Variants in DISC1 observed in about 807,000 individuals in gnomAD.
DISC1 encodes the protein DISC1 scaffold protein.
In DISC1, 57 loss-of-function variants were observed where a neutral mutation model predicts 84.5. That is an observed-to-expected ratio of 0.67 (90% CI 0.55 to 0.84). The LOEUF (loss-of-function observed/expected upper bound fraction) is 0.84. Ranked by LOEUF, DISC1 falls within the 40% of genes least tolerant of loss-of-function variation. The pLI is 0.00. For synonymous variants in DISC1, 411 were observed against 415.2 expected (o/e 0.99, Z 0.12); for missense variants, 1,000 against 1,057.8 (o/e 0.95, Z 0.76).
chr1:231,812,025 C>T (rs2125709518), intron 8 of DISC1, among the ~76,000 whole-genome samples: 1 of 152,210 alleles, frequency 6.6e-6, no homozygotes, highest in Non-Finnish European at 1.5e-5. Context: ...AAGAACTGTT[C>T]AAAATGCCCC....
chr1:231,694,368 A>G lies in DISC1; in HGVS notation c.610A>G (p.Ser204Gly), dbSNP rs774606244. Reference sequence around the variant, plus strand: ...CCCCCCAACCCCTCCTGGCTCTCACAGTGCCTTTACCTCAAGCTTTAGCTT... The same window carrying G: ...CCCCCCAACCCCTCCTGGCTCTCACGGTGCCTTTACCTCAAGCTTTAGCTT... Reference protein sequence around the residue: ...EVPPTPPGSHSAFTSSFSFIR... With the variant: ...EVPPTPPGSHGAFTSSFSFIR... The change falls in exon 2 of 13, where the codon AGT becomes GGT. Residue 204 changes from serine (S) to glycine (G), a missense_variant. Around this residue, in one of 3 missense-constraint regions of DISC1, gnomAD observed 292 missense variants for 280.2 expected, o/e 1.04. Coordinates refer to ENST00000439617, the MANE Select transcript of DISC1 (RefSeq NM_018662.3). 5.0e-6 allele frequency: 8 copies of G among 1,614,102 alleles called. No homozygotes were observed. The African/African-American group carries it at 5.3e-5, about 11-fold the overall frequency.
intron 10 of DISC1, among the ~76,000 whole-genome samples, chr1:231,977,655 CG>C (rs1558800976): frequency 1.3e-5 from 2 of 152,120 alleles, no homozygotes. Flanking sequence ...CATAGGTTCC[CG>C]GGATTAGAAC....
At chr1:231,888,038 A>T (rs968472540) in intron 9 of DISC1, among the ~76,000 whole-genome samples, 1 of 152,202 alleles carries the variant, frequency 6.6e-6, no homozygotes, top group African/African-American at 2.4e-5. Context: ...GAGACCAATT[A>T]TTTGGTTTGA....
chr1:232,005,070 C>T (rs1188774728), intron 10 of DISC1, among the ~76,000 whole-genome samples: 2 of 134,868 alleles, frequency 1.5e-5, no homozygotes, highest in Admixed American at 7.3e-5. Context: ...CCCTCTCTCC[C>T]TCCCTCCCTC....
intron 1 of DISC1, among the ~76,000 whole-genome samples, chr1:231,637,934 AT>A: frequency 6.6e-6 from 1 of 152,274 alleles, no homozygotes; most frequent in East Asian, 1.9e-4. Context: ...TTCCATAGAG[AT>A]TTTAATAATT....
intron 9 of DISC1, 79 bp from the exon 10 acceptor site, chr1:231,958,749 T>C: frequency 7.0e-7 from 1 of 1,420,606 alleles, no homozygotes; most frequent in Non-Finnish European, 9.9e-7. Flanking sequence ...ATCCTTTGGC[T>C]TTGAGCTTTT....
Position 231,770,816 on chromosome 1 carries a change from G to A in DISC1, c.1399-19G>A, listed in dbSNP as rs1402259545. On this transcript the variant is annotated intron_variant, in intron 5 of 12. Transcript: ENST00000439617. ...GAGCAGGGTTAATTTATAAAATCTTGTCTCCTCATTCTCTACAGAAAGAAA... is the reference window on the plus strand; with the variant it reads ...GAGCAGGGTTAATTTATAAAATCTTATCTCCTCATTCTCTACAGAAAGAAA... 8.7e-6 allele frequency: 14 copies of A among 1,611,328 alleles called. No homozygotes were observed. The African/African-American group carries it at 9.3e-5, about 11-fold the overall frequency.
intron 9 of DISC1, among the ~76,000 whole-genome samples, chr1:231,928,351 GA>G (rs1317688230): frequency 6.6e-6 from 1 of 152,254 alleles, no homozygotes; most frequent in Non-Finnish European, 1.5e-5. Context: ...GTGACAGCAG[GA>G]GATGATTTTT....
intron 1 of DISC1, among the ~76,000 whole-genome samples, chr1:231,663,096 C>T (rs2061696683): frequency 6.6e-6 from 1 of 152,150 alleles, no homozygotes; most frequent in Admixed American, 6.5e-5. Flanking sequence ...ATGAGAGACC[C>T]ACTTTAGATC....
At chr1:231,700,141 C>T (rs989591279) in intron 2 of DISC1, among the ~76,000 whole-genome samples, 26 of 152,166 alleles carry the variant, frequency 1.7e-4, no homozygotes, top group African/African-American at 5.8e-4. Context: ...TCTCCCTTTT[C>T]CTTTTTCATA....
At chr1:231,971,571 T>A (rs1454469493) in intron 10 of DISC1, among the ~76,000 whole-genome samples, 3 of 152,232 alleles carry the variant, frequency 2.0e-5, no homozygotes, top group African/African-American at 4.8e-5. Flanking sequence ...CCAGCCACCC[T>A]GAGTCATACA....
intron 1 of DISC1, among the ~76,000 whole-genome samples, chr1:231,638,014 A>G (rs572240801): frequency 6.6e-6 from 1 of 152,112 alleles, no homozygotes; most frequent in African/African-American, 2.4e-5. Flanking sequence ...AATATCTGTT[A>G]TTTTTTGACT....
chr1:231,731,237 G>T lies in DISC1; in HGVS notation c.1118-18689G>T, dbSNP rs183553452. On this transcript the variant is annotated intron_variant, in intron 3 of 12. Transcript: ENST00000439617. ...AGGGTTCTTGGCTTTGCCCAGGAAA[G>T]AATTCAAGGGAAAGATGGTGGTAGA... 1.4e-4 allele frequency among the ~76,000 whole-genome samples: 22 copies of T among 152,382 alleles called. No individual in the cohort carries two copies. The South Asian group carries it at 3.7e-3, about 26-fold the overall frequency.
At chr1:231,789,880 C>CT (rs1438164487) in intron 6 of DISC1, among the ~76,000 whole-genome samples, 3 of 152,072 alleles carry the variant, frequency 2.0e-5, no homozygotes, top group African/African-American at 7.2e-5. Flanking sequence ...GAAGGGAGCC[C>CT]TTTTTCATTT....
chr1:231,641,595 G>A (rs1191200516), intron 1 of DISC1, among the ~76,000 whole-genome samples: 1 of 152,256 alleles, frequency 6.6e-6, no homozygotes, highest in African/African-American at 2.4e-5. Context: ...GGTTGCCGCT[G>A]CTGGCGCCTG....
intron 9 of DISC1, among the ~76,000 whole-genome samples, chr1:231,917,714 G>A (rs1003999741): frequency 1.1e-4 from 16 of 152,174 alleles, no homozygotes; most frequent in African/African-American, 3.6e-4. Context: ...ACCCCAAGAT[G>A]GGCAGAGAGC....
chr1:231,989,725 G>A (rs983881294), intron 10 of DISC1, among the ~76,000 whole-genome samples: 5 of 152,178 alleles, frequency 3.3e-5, no homozygotes, highest in South Asian at 2.1e-4. Context: ...GAGAGACCTG[G>A]CAGGAATAAG....
Position 231,770,863 on chromosome 1 carries a change from T to C in DISC1, c.1427T>C (p.Met476Thr). The C allele has an allele frequency of 6.2e-7, 1 of 1,614,210 alleles. No homozygotes were observed. The highest frequency in any genetic ancestry group is 8.5e-7 in the Non-Finnish European group (1 of 1,180,036). ...GAAATCGAAGCTCTCCAAGCAAGGA[T>C]GTTTGTGCTGGAAGCCAAAGATCAA... ...QKEIEALQAR[M>T]FVLEAKDQQL... The change falls in exon 6 of 13, where the codon ATG (methionine) becomes ACG (threonine). Residue 476 changes from methionine (M) to threonine (T), a missense_variant. Physicochemically the swap from Met to Thr is moderately conservative, Grantham distance 81. Around this residue, in one of 3 missense-constraint regions of DISC1, gnomAD observed 311 missense variants for 400.1 expected, o/e 0.78. Transcript: ENST00000439617.
chr1:231,737,272 T>A (rs1252558817), intron 3 of DISC1, among the ~76,000 whole-genome samples: 2 of 152,264 alleles, frequency 1.3e-5, no homozygotes, highest in Non-Finnish European at 2.9e-5. Flanking sequence ...GCCTACTGCT[T>A]AGGAATATCT....
Sources: gnomAD v4.1 joint callset for allele counts (sites outside exome capture counted in the v4.1 genomes callset) on GRCh38, gnomAD v4.1.1 for gene constraint, gnomAD v4.1.1 regional missense constraint, MANE v1.5 for transcripts, NCBI Gene and HGNC (gene_info 2026-07-23, HGNC 2026-07-21) for gene names.